BBOF1: variants seen among roughly 807,000 people sequenced by gnomAD.
The protein encoded by BBOF1 is basal body-orientation factor 1.
BBOF1 carries 62 observed loss-of-function variants against 68.0 expected under a neutral mutation model. The observed-to-expected ratio is 0.91, with a 90% CI of 0.74 to 1.13. BBOF1 has a LOEUF of 1.13. BBOF1 is among the 50% of genes most tolerant of loss of function. The probability of loss-of-function intolerance (pLI) is 0.00; values close to 1 mark genes in which losing one functional copy is unlikely to be tolerated. For missense variants in BBOF1, 534 were observed against 600.1 expected (o/e 0.89, Z 1.15); for synonymous variants, 208 against 198.8 (o/e 1.05, Z -0.39).
intron 7 of BBOF1, among the ~76,000 whole-genome samples, chr14:74,049,098 T>A (rs973707099): frequency 1.3e-5 from 2 of 152,082 alleles, no homozygotes; most frequent in Non-Finnish European, 2.9e-5. Flanking sequence ...GATCTCGAAC[T>A]CCTGACCTCA....
At chr14:74,026,011 C>T (rs537727379) in intron 2 of BBOF1, among the ~76,000 whole-genome samples, 4 of 151,658 alleles carry the variant, frequency 2.6e-5, no homozygotes, top group South Asian at 2.1e-4. Flanking sequence ...CATGGTGGTG[C>T]GTGTCTGCAG....
chr14:74,041,212 A>G (rs1391400042), intron 5 of BBOF1, among the ~76,000 whole-genome samples: 1 of 152,118 alleles, frequency 6.6e-6, no homozygotes, highest in Non-Finnish European at 1.5e-5. Flanking sequence ...CTGAGGCAGA[A>G]GAATTGCTTG....
chr14:74,068,862 T>C (rs1187351547), downstream of BBOF1: 9 of 1,613,902 alleles, frequency 5.6e-6, no homozygotes, highest in African/African-American at 1.3e-5. Flanking sequence ...GAAGTCACCA[T>C]ATTGGCTTGA....
chr14:74,055,331 T>G (rs1228466563), intron 8 of BBOF1: 1 of 355,868 alleles, frequency 2.8e-6, no homozygotes, highest in Non-Finnish European at 5.3e-6. Flanking sequence ...GTATTTTTAG[T>G]AGAGACGAGC....
intron 10 of BBOF1, among the ~76,000 whole-genome samples, chr14:74,079,654 G>A (rs558804829): frequency 2.6e-5 from 4 of 151,658 alleles, no homozygotes; most frequent in Non-Finnish European, 4.4e-5. Context: ...GGATGGTCTC[G>A]ATCTCCTGAC....
At chr14:74,051,053 G>A (rs182802146) in intron 8 of BBOF1, among the ~76,000 whole-genome samples, 27 of 152,234 alleles carry the variant, frequency 1.8e-4, no homozygotes, top group Non-Finnish European at 8.8e-5. Flanking sequence ...AGACCAGCCT[G>A]ACCAACATGG....
At chr14:74,061,888 G>T (rs1261957720) in intron 11 of BBOF1, among the ~76,000 whole-genome samples, 1 of 151,832 alleles carries the variant, frequency 6.6e-6, no homozygotes, top group Non-Finnish European at 1.5e-5. Flanking sequence ...CATTTTACCA[G>T]ATTACCAGAG....
intron 9 of BBOF1, chr14:74,071,462 T>C: frequency 6.2e-7 from 1 of 1,614,122 alleles, no homozygotes; most frequent in South Asian, 1.1e-5. Flanking sequence ...TCTCCCATCA[T>C]GAGGGATGTC....
In BBOF1 at chr14:74,023,164, C is replaced by G; in HGVS notation, c.285+20C>G. On this transcript the variant is annotated intron_variant, in intron 2 of 11. Transcript: ENST00000394009. The stretch of plus-strand genomic sequence containing the variant: ...AATATGGTAGGTAGGTAGAAAGCCT[C>G]CTTGGCCTCATTAACTACCTCTATG... 6.9e-7 allele frequency: 1 copy of G among 1,456,252 alleles called. No homozygotes were observed. Among genetic ancestry groups the G allele is most frequent in the South Asian group, 1.2e-5 (1 of 80,416 alleles). 90.2% of individuals were successfully genotyped at this position (1,456,252 alleles called of 1,614,324 possible).
intron 3 of BBOF1, among the ~76,000 whole-genome samples, chr14:74,029,637 G>A (rs924027798): frequency 1.3e-5 from 2 of 149,668 alleles, no homozygotes; most frequent in Admixed American, 6.7e-5. Context: ...AGCCAAGATC[G>A]CACCATTGCA....
chr14:74,071,496 C>T, intron 9 of BBOF1: 1 of 1,613,800 alleles, frequency 6.2e-7, no homozygotes. Context: ...GCTCAACCAC[C>T]TCTGGAACAC....
chr14:74,073,508 C>T (rs1319702500), intron 9 of BBOF1, among the ~76,000 whole-genome samples: 7 of 152,040 alleles, frequency 4.6e-5, no homozygotes, highest in Admixed American at 2.6e-4. Context: ...AGTAGAAACA[C>T]GATATTATGA....
downstream of BBOF1, chr14:74,067,285 C>T (rs559759955): frequency 7.3e-7 from 1 of 1,373,700 alleles, no homozygotes. Flanking sequence ...CAAGAATAGA[C>T]ATGATTGTTC....
intron 9 of BBOF1, chr14:74,071,945 T>C: frequency 6.2e-7 from 1 of 1,614,244 alleles, no homozygotes; most frequent in Non-Finnish European, 8.5e-7. Context: ...TCTTCCCTTG[T>C]TCCAATGTGA....
chr14:74,028,368 C>A (rs1172593924), intron 2 of BBOF1, among the ~76,000 whole-genome samples: 2 of 148,892 alleles, frequency 1.3e-5, no homozygotes, highest in Non-Finnish European at 3.0e-5. Context: ...GACTCTGTCT[C>A]AAAAAAAAGA....
At chr14:74,035,397 T>G (rs978205691) in intron 4 of BBOF1, among the ~76,000 whole-genome samples, 5 of 141,648 alleles carry the variant, frequency 3.5e-5, no homozygotes, top group Non-Finnish European at 1.5e-5. Context: ...GTGGGAGACC[T>G]CTCCTCATAT....
chr14:74,063,908 G>A (rs954623872), intron 11 of BBOF1, among the ~76,000 whole-genome samples: 5 of 151,634 alleles, frequency 3.3e-5, no homozygotes, highest in African/African-American at 1.2e-4. Flanking sequence ...AAGTCAGACA[G>A]CTAATAACTG....
Position 74,057,848 on chromosome 14 carries a change from G to A in BBOF1, c.1578+590G>A, listed in dbSNP as rs1045318190. 3.7e-5 allele frequency: 38 copies of A among 1,033,986 alleles called. 1 individual carries two copies. The South Asian group carries it at 1.2e-3, about 33-fold the overall frequency. 64.1% of individuals were successfully genotyped at this position (1,033,986 alleles called of 1,614,324 possible). A position where few individuals can be genotyped will look rare whatever the true frequency, so the allele number is the denominator to read the frequency against. On this transcript the variant is annotated intron_variant, in intron 11 of 11. Coordinates refer to ENST00000394009, the MANE Select transcript of BBOF1 (RefSeq NM_025057.3). ...AATAAGAAACTCTGAGCAGCAAATA[G>A]TTGGCCAGATGAGTTGTTTCTAATT...
At chr14:74,043,631 C>T (rs1218411004) in intron 5 of BBOF1, among the ~76,000 whole-genome samples, 1 of 145,826 alleles carries the variant, frequency 6.9e-6, no homozygotes, top group Non-Finnish European at 1.5e-5. Flanking sequence ...GTGGCATGAT[C>T]TCGGCTCACT....
Sources: gnomAD v4.1 joint callset for allele counts (sites outside exome capture counted in the v4.1 genomes callset) on GRCh38, gnomAD v4.1.1 for gene constraint, MANE v1.5 for transcripts, NCBI Gene and HGNC (gene_info 2026-07-23, HGNC 2026-07-21) for gene names.